The following GREB1L variants were observed in gnomAD, a reference collection of about 807,000 sequenced individuals.
The protein encoded by GREB1L is GREB1 like retinoic acid receptor coactivator.
Under a neutral mutation model 200.8 loss-of-function variants are expected in GREB1L, and 17 were observed. That is an observed-to-expected ratio of 0.08 (90% CI 0.06 to 0.13). The LOEUF is 0.13. Ranked by LOEUF, GREB1L falls within the 10% of genes least tolerant of loss-of-function variation. GREB1L has a pLI of 1.00. For synonymous variants in GREB1L, 789 were observed against 893.0 expected (o/e 0.88, Z 2.08); for missense variants, 1,657 against 2,367.7 (o/e 0.70, Z 6.23).
intron 1 of GREB1L, among the ~76,000 whole-genome samples, chr18:21,289,850 G>A (rs985842989): frequency 6.6e-6 from 1 of 152,092 alleles, no homozygotes; most frequent in Non-Finnish European, 1.5e-5. Context: ...CTACATTCTT[G>A]GTGGCTACTA....
chr18:21,496,541 C>T lies in GREB1L; in HGVS notation c.3234C>T (p.Cys1078=). ...AGCAGGAGGTGGGTCTGGCATGCTGCTATGTCTCAAAAGAGGTCATCCGGG... is the reference window on the plus strand; with the variant it reads ...AGCAGGAGGTGGGTCTGGCATGCTGTTATGTCTCAAAAGAGGTCATCCGGG... The part of the protein sequence containing the change: ...ALEQEVGLAC[C]YVSKEVIRGP... Residue 1078 remains cysteine (C), a synonymous_variant, in exon 21 of 33, where the codon TGC becomes TGT. Coordinates refer to ENST00000424526, the MANE Select transcript of GREB1L (RefSeq NM_001142966.3). 1.9e-6 allele frequency: 3 copies of T among 1,551,704 alleles called. No individual in the cohort carries two copies. The highest frequency in any genetic ancestry group is 2.6e-6 in the Non-Finnish European group (3 of 1,147,002).
intron 7 of GREB1L, among the ~76,000 whole-genome samples, chr18:21,429,345 T>C (rs1247773561): frequency 6.9e-6 from 1 of 145,564 alleles, no homozygotes; most frequent in Non-Finnish European, 1.5e-5. Context: ...TCTTTTCCTT[T>C]CTTCCTTTTC....
chr18:21,503,896 T>C (rs1042489515), intron 23 of GREB1L, among the ~76,000 whole-genome samples: 2 of 151,446 alleles, frequency 1.3e-5, no homozygotes, highest in Admixed American at 1.3e-4. Flanking sequence ...AAAATATCTG[T>C]TAGACACCAG....
intron 4 of GREB1L, chr18:21,387,424 A>C (rs565251997): frequency 6.6e-6 from 1 of 152,330 alleles, no homozygotes; most frequent in East Asian, 1.9e-4. Context: ...TTTTAGAGCA[A>C]CATTTCAGTG....
intron 10 of GREB1L, 50 bp downstream of exon 10, chr18:21,441,587 G>GT: frequency 1.4e-6 from 2 of 1,480,778 alleles, no homozygotes; most frequent in Middle Eastern, 3.5e-4. Flanking sequence ...ATCTAGGAGT[G>GT]TTTTTCCATT....
chr18:21,270,753 G>C (rs2038065293), intron 1 of GREB1L, among the ~76,000 whole-genome samples: 1 of 152,200 alleles, frequency 6.6e-6, no homozygotes, highest in East Asian at 1.9e-4. Flanking sequence ...TACACGCATA[G>C]TCAGCAAGGA....
chr18:21,315,808 G>T (rs1598652253), intron 1 of GREB1L, among the ~76,000 whole-genome samples: 1 of 152,088 alleles, frequency 6.6e-6, no homozygotes, highest in Non-Finnish European at 1.5e-5. Flanking sequence ...AGACTCTTTG[G>T]AATTCCCTGT....
intron 1 of GREB1L, among the ~76,000 whole-genome samples, chr18:21,255,751 C>A (rs2037790205): frequency 6.6e-6 from 1 of 152,116 alleles, no homozygotes; most frequent in African/African-American, 2.4e-5. Context: ...TATTAATATT[C>A]TCTAATTGTC....
chr18:21,454,038 G>A (rs1294967648), intron 14 of GREB1L, among the ~76,000 whole-genome samples: 1 of 152,166 alleles, frequency 6.6e-6, no homozygotes, highest in Non-Finnish European at 1.5e-5. Flanking sequence ...ATGAGTCTTG[G>A]CTCCAGCTGC....
chr18:21,521,232 G>A (rs566264891), intron 32 of GREB1L, among the ~76,000 whole-genome samples: 1 of 151,018 alleles, frequency 6.6e-6, no homozygotes, highest in Non-Finnish European at 1.5e-5. Flanking sequence ...AAAATCAGCC[G>A]GGCGTGGTGG....
At chr18:21,492,399 C>T (rs1273524396) in intron 19 of GREB1L, among the ~76,000 whole-genome samples, 2 of 152,046 alleles carry the variant, frequency 1.3e-5, no homozygotes, top group African/African-American at 4.8e-5. Context: ...CAATCAGCAG[C>T]ACCATGCTAA....
intron 1 of GREB1L, among the ~76,000 whole-genome samples, chr18:21,327,693 T>C (rs924707853): frequency 6.6e-6 from 1 of 151,340 alleles, no homozygotes; most frequent in African/African-American, 2.4e-5. Flanking sequence ...CAACCTTTCT[T>C]TTTTTTTCTT....
rs147567472 is a variant in GREB1L at position 21,433,577 on chromosome 18, G to A, written c.833-5944G>A. ...ACTTTGTAATGTTGTGTGTGCACTG[G>A]GTCCTTCCAGCAGACCTTAAATCAC... is the stretch of plus-strand genomic sequence containing the variant. On this transcript the variant is annotated intron_variant, in intron 7 of 32. Coordinates refer to ENST00000424526, the MANE Select transcript of GREB1L (RefSeq NM_001142966.3). Among the ~76,000 whole-genome samples the A allele has an allele frequency of 6.6e-4, 100 of 152,284 alleles. No homozygotes were observed. In the Middle Eastern group the frequency reaches 0.014, roughly 21 times the overall value.
In GREB1L at chr18:21,422,981, A is replaced by T. The variant is rs573520831; in HGVS notation, c.833-16540A>T. ...AGTCTTGCTCTGTTGCCTAAGCTGG[A>T]GTATAGTGGCGCGATCTCGGCTCAC... On this transcript the variant is annotated intron_variant, in intron 7 of 32. Transcript: ENST00000424526. 6.6e-5 allele frequency among the ~76,000 whole-genome samples: 10 copies of T among 152,102 alleles called. No homozygotes were observed. In the South Asian group the frequency reaches 1.0e-3, roughly 16 times the overall value.
At chr18:21,425,932 T>C (rs1567999284) in intron 7 of GREB1L, among the ~76,000 whole-genome samples, 1 of 152,192 alleles carries the variant, frequency 6.6e-6, no homozygotes. Context: ...GTGTTTTCGG[T>C]GTTATAGCTA....
At position 21,468,976 on chromosome 18, in the gene GREB1L, T is replaced by G. The variant is rs1405804728; in HGVS notation, c.2183-4055T>G. On this transcript the variant is annotated intron_variant, in intron 15 of 32. Coordinates refer to ENST00000424526, the MANE Select transcript of GREB1L (RefSeq NM_001142966.3). ...GTACATGAGGTTGATGTTTTATTAT[T>G]GGTGATGTTAACCTTGATCACTTGA... is the stretch of plus-strand genomic sequence containing the variant. 2.5e-5 allele frequency: 8 copies of G among 316,894 alleles called. No individual in the cohort carries two copies. The East Asian group carries it at 6.1e-4, about 24-fold the overall frequency. The allele number at this position is 316,894 out of a possible 1,614,324, so 19.6% of individuals were successfully genotyped here.
At chr18:21,268,105 A>G (rs1296929441) in intron 1 of GREB1L, among the ~76,000 whole-genome samples, 2 of 152,114 alleles carry the variant, frequency 1.3e-5, no homozygotes, top group South Asian at 4.1e-4. Flanking sequence ...GAATTACAGG[A>G]AAGTTCTTCC....
At chr18:21,445,114 A>C (rs1297653847) in intron 11 of GREB1L, among the ~76,000 whole-genome samples, 1 of 152,226 alleles carries the variant, frequency 6.6e-6, no homozygotes, top group Non-Finnish European at 1.5e-5. Context: ...TTATTTTGCA[A>C]ATGGCAGTAG....
At chr18:21,464,297 A>AG (rs571466174) in intron 15 of GREB1L, among the ~76,000 whole-genome samples, 1 of 152,066 alleles carries the variant, frequency 6.6e-6, no homozygotes, top group Non-Finnish European at 1.5e-5. Context: ...TGGGAGGCCG[A>AG]GGGGGGCGGA....
Sources: gnomAD v4.1 joint callset for allele counts (sites outside exome capture counted in the v4.1 genomes callset) on GRCh38, gnomAD v4.1.1 for gene constraint, MANE v1.5 for transcripts, NCBI Gene and HGNC (gene_info 2026-07-23, HGNC 2026-07-21) for gene names.